Variants in ARHGAP24 observed in about 807,000 individuals in gnomAD.
The protein encoded by ARHGAP24 is rho GTPase-activating protein 24.
A neutral mutation model predicts 76.4 loss-of-function variants in ARHGAP24; 50 were observed. The ratio of observed to expected loss-of-function variants is 0.65; its 90% CI spans 0.52 to 0.83. The LOEUF is 0.83. Among genes scored for constraint, ARHGAP24 ranks in the 40% least tolerant of loss-of-function variants. The pLI is 0.00. For missense variants in ARHGAP24, 930 were observed against 914.2 expected (o/e 1.02, Z -0.22); for synonymous variants, 345 against 323.3 (o/e 1.07, Z -0.72).
At chr4:85,515,879 A>G (rs1724478769) in intron 1 of ARHGAP24, among the ~76,000 whole-genome samples, 1 of 152,174 alleles carries the variant, frequency 6.6e-6, no homozygotes. Flanking sequence ...GGGTTATACA[A>G]TATTGTACTT....
At chr4:85,506,445 G>A (rs113183761) in intron 1 of ARHGAP24, among the ~76,000 whole-genome samples, 19 of 152,346 alleles carry the variant, frequency 1.2e-4, no homozygotes, top group Middle Eastern at 3.4e-3. Context: ...TCAAGCCTCA[G>A]CAATGGCGGA....
At chr4:85,848,595 G>T (rs1731026984) in intron 3 of ARHGAP24, among the ~76,000 whole-genome samples, 1 of 151,964 alleles carries the variant, frequency 6.6e-6, no homozygotes, top group Admixed American at 6.6e-5. Context: ...GGACATTTGG[G>T]TTGGTCAATA....
At chr4:85,728,660 C>T (rs1022955414) in intron 3 of ARHGAP24, among the ~76,000 whole-genome samples, 3 of 152,158 alleles carry the variant, frequency 2.0e-5, no homozygotes, top group African/African-American at 7.2e-5. Flanking sequence ...TTTAGTAAAA[C>T]TTCAACCTAC....
chr4:85,797,868 G>C (rs1728429351), intron 3 of ARHGAP24, among the ~76,000 whole-genome samples: 2 of 152,094 alleles, frequency 1.3e-5, no homozygotes. Flanking sequence ...TAATTATTTC[G>C]GAGGGGAAAG....
intron 3 of ARHGAP24, among the ~76,000 whole-genome samples, chr4:85,780,663 A>T (rs1727511526): frequency 6.6e-6 from 1 of 152,228 alleles, no homozygotes; most frequent in African/African-American, 2.4e-5. Context: ...GAACAAGTTT[A>T]TAAAAAATTA....
At chr4:85,836,517 A>G (rs141192248) in intron 3 of ARHGAP24, among the ~76,000 whole-genome samples, 4 of 152,278 alleles carry the variant, frequency 2.6e-5, no homozygotes, top group African/African-American at 9.6e-5. Context: ...CTCTGTGCAT[A>G]TCTATCACTG....
chr4:85,561,288 G>T (rs1726586897), intron 1 of ARHGAP24, among the ~76,000 whole-genome samples: 1 of 152,172 alleles, frequency 6.6e-6, no homozygotes, highest in Non-Finnish European at 1.5e-5. Context: ...AAAGTCCTAA[G>T]CCCTTCCAGC....
chr4:85,503,147 G>A (rs865959439), intron 1 of ARHGAP24, among the ~76,000 whole-genome samples: 4 of 152,146 alleles, frequency 2.6e-5, no homozygotes, highest in African/African-American at 4.8e-5. Flanking sequence ...TTTTTGCATC[G>A]ATGAACATCA....
intron 2 of ARHGAP24, among the ~76,000 whole-genome samples, chr4:85,718,823 A>G (rs1170305171): frequency 6.6e-6 from 1 of 152,218 alleles, no homozygotes; most frequent in East Asian, 1.9e-4. Context: ...TGTTTCACAT[A>G]TACAAAAAGG....
At chr4:85,482,970 T>C (rs1018687233) in intron 1 of ARHGAP24, among the ~76,000 whole-genome samples, 1 of 152,212 alleles carries the variant, frequency 6.6e-6, no homozygotes, top group African/African-American at 2.4e-5. Context: ...GGCTCTGATA[T>C]GCTTAAGCCC....
intron 3 of ARHGAP24, among the ~76,000 whole-genome samples, chr4:85,780,160 G>T (rs145275190): frequency 6.6e-6 from 1 of 151,334 alleles, no homozygotes. Flanking sequence ...CATAATCACT[G>T]TTTATTTTTT....
At chr4:85,976,765 A>G (rs1433560871) in intron 7 of ARHGAP24, among the ~76,000 whole-genome samples, 4 of 146,514 alleles carry the variant, frequency 2.7e-5, no homozygotes, top group Non-Finnish European at 5.9e-5. Flanking sequence ...TAATTTCTAC[A>G]GCATTTTATT....
At chr4:85,487,555 A>C (rs1259832929) in intron 1 of ARHGAP24, among the ~76,000 whole-genome samples, 1 of 109,086 alleles carries the variant, frequency 9.2e-6, no homozygotes, top group African/African-American at 3.9e-5. Context: ...TATTTATTAC[A>C]TATTATATAA....
intron 6 of ARHGAP24, among the ~76,000 whole-genome samples, chr4:85,973,653 C>T (rs1739121638): frequency 6.6e-6 from 1 of 152,016 alleles, no homozygotes; most frequent in African/African-American, 2.4e-5. Flanking sequence ...TCTATAGCTT[C>T]GGCTTTTACA....
At chr4:85,813,340 GT>G (rs2110115256) in intron 3 of ARHGAP24, among the ~76,000 whole-genome samples, 1 of 152,262 alleles carries the variant, frequency 6.6e-6, no homozygotes, top group Non-Finnish European at 1.5e-5. Flanking sequence ...ATAATGGGGG[GT>G]GGAGGGAAAA....
intron 3 of ARHGAP24, among the ~76,000 whole-genome samples, chr4:85,841,962 C>T (rs756014760): frequency 3.8e-4 from 58 of 152,142 alleles, no homozygotes; most frequent in Non-Finnish European, 2.4e-4. Flanking sequence ...TTGGCCTTTT[C>T]CCTTTAGGTA....
chr4:85,742,888 T>G (rs970740208), intron 3 of ARHGAP24, among the ~76,000 whole-genome samples: 1 of 152,210 alleles, frequency 6.6e-6, no homozygotes, highest in Non-Finnish European at 1.5e-5. Context: ...CTTTAGAATA[T>G]CGATTAAACT....
intron 3 of ARHGAP24, among the ~76,000 whole-genome samples, chr4:85,900,718 G>T (rs61561733): frequency 1.4e-4 from 21 of 152,116 alleles, no homozygotes; most frequent in Admixed American, 1.1e-3. Context: ...GAGCCACTGC[G>T]CCCGGCTGGG....
intron 2 of ARHGAP24, among the ~76,000 whole-genome samples, chr4:85,662,452 T>C (rs1308309328): frequency 6.6e-6 from 1 of 151,180 alleles, no homozygotes; most frequent in Non-Finnish European, 1.5e-5. Context: ...GAAAATTTTC[T>C]CCCATTTTGT....
Sources: allele counts gnomAD v4.1 joint callset (sites outside exome capture counted in the v4.1 genomes callset), GRCh38; gene constraint gnomAD v4.1.1; transcripts MANE v1.5; gene names NCBI Gene and HGNC (gene_info 2026-07-23, HGNC 2026-07-21).